EPHA8: variants seen among roughly 807,000 people sequenced by gnomAD.
EPHA8 encodes the protein EPH receptor A8.
EPHA8 carries 58 observed loss-of-function variants against 103.6 expected under a neutral mutation model. That is an observed-to-expected ratio of 0.56 (90% CI 0.45 to 0.70). The LOEUF is 0.70. EPHA8 is among the 30% of genes least tolerant of loss of function. The pLI is 0.00. For synonymous variants in EPHA8, 559 were observed against 572.5 expected (o/e 0.98, Z 0.34); for missense variants, 1,304 against 1,395.2 (o/e 0.93, Z 1.04).
At chr1:22,601,518 G>A (rs563584311) in intron 16 of EPHA8, 45 bp downstream of exon 16, 54 of 1,605,214 alleles carry the variant, frequency 3.4e-5, no homozygotes, top group Middle Eastern at 1.7e-4. Context: ...TGGGGGCAGG[G>A]GGGGGGACCC....
Position 22,568,059 on chromosome 1 carries a change from G to A in EPHA8, c.95-1230G>A, listed in dbSNP as rs115366026. 4.9e-3 allele frequency among the ~76,000 whole-genome samples: 749 copies of A among 152,336 alleles called. 3 individuals are homozygous for A. Among genetic ancestry groups the A allele is most frequent in the African/African-American group, 0.017 (698 of 41,558 alleles). ...ATGCATCTGTTTCACCTTAAGTGAG[G>A]GTGTGACCACAAGGGACATGGAGAG... On this transcript the variant is annotated intron_variant, in intron 1 of 16. Transcript: ENST00000166244.
rs776075888 is a variant in EPHA8, at chr1:22,601,432, C to T, written c.2862C>T (p.Gly954=). The T allele has an allele frequency of 1.7e-5, 27 of 1,610,478 alleles. No homozygotes were observed. In the East Asian group the frequency reaches 3.1e-4, roughly 19 times the overall value. Residue 954 remains glycine (G), a synonymous_variant, in exon 16 of 17, where the codon GGC becomes GGT. Coordinates refer to ENST00000166244, the MANE Select transcript of EPHA8 (RefSeq NM_020526.5). ...MGRYRDHFAA[G]GYSSLGMVLR... is the part of the protein sequence containing the mutation. ...GGTACCGAGACCACTTCGCTGCGGG[C>T]GGATACTCCTCTCTGGGCATGGTGC...
chr1:22,578,967 G>T (rs1240400127), intron 3 of EPHA8, among the ~76,000 whole-genome samples: 1 of 146,824 alleles, frequency 6.8e-6, no homozygotes, highest in Non-Finnish European at 1.5e-5. Context: ...CCATGTGTAT[G>T]TTCATGTGTG....
Position 22,601,400 on chromosome 1 carries a change from A to G in EPHA8, c.2830A>G (p.Met944Val). The change falls in exon 16 of 17, where the codon ATG becomes GTG. Residue 944 changes from methionine to valine, a missense_variant. Physicochemically the swap from Met to Val is conservative, Grantham distance 21. Coordinates refer to ENST00000166244, the MANE Select transcript of EPHA8 (RefSeq NM_020526.5). ...GGGGGACTGGCTGGACTCCATCCGC[A>G]TGGGCCGGTACCGAGACCACTTCGC... is the stretch of plus-strand genomic sequence containing the variant. ...TVGDWLDSIRMGRYRDHFAAG... is the reference protein window; with the variant it reads ...TVGDWLDSIRVGRYRDHFAAG... 1 of 1,611,174 alleles carries G rather than the reference A, an allele frequency of 6.2e-7. No individual in the cohort carries two copies. Among genetic ancestry groups the G allele is most frequent in the Non-Finnish European group, 8.5e-7 (1 of 1,179,708 alleles).
At chr1:22,568,301 A>G (rs209748) in intron 1 of EPHA8, among the ~76,000 whole-genome samples, 35,969 of 152,074 alleles carry the variant, frequency 0.24, 5,877 homozygotes, top group African/African-American at 0.48. Flanking sequence ...TTTCCCTACC[A>G]TGTTGAGCCT....
intron 5 of EPHA8, among the ~76,000 whole-genome samples, chr1:22,591,816 C>T (rs768982923): frequency 2.6e-5 from 4 of 152,220 alleles, no homozygotes; most frequent in Non-Finnish European, 5.9e-5. Context: ...CTATGCCTGG[C>T]TCCTCTGCCC....
At chr1:22,580,125 C>CTTT (rs1641002298) in intron 3 of EPHA8, among the ~76,000 whole-genome samples, 1 of 113,086 alleles carries the variant, frequency 8.8e-6, no homozygotes, top group African/African-American at 3.5e-5. Flanking sequence ...TTCTTTCTTT[C>CTTT]TCTTTTTTTT....
At position 22,601,001 on chromosome 1, in the gene EPHA8, A is replaced by G; in HGVS notation, c.2642A>G (p.Gln881Arg). The change falls in exon 15 of 17, where the codon CAG becomes CGG. Residue 881 changes from glutamine to arginine, a missense_variant. By Grantham distance (43) the Gln-to-Arg change is conservative. Coordinates refer to ENST00000166244, the MANE Select transcript of EPHA8 (RefSeq NM_020526.5). ...MLDCWHKDRA[Q>R]RPRFSQIVSV... ...GACTGTTGGCACAAGGACCGGGCGC[A>G]GCGGCCTCGCTTCTCCCAGATTGTC... 1 of 1,612,940 alleles carries G rather than the reference A, an allele frequency of 6.2e-7. No individual in the cohort carries two copies. Among genetic ancestry groups the G allele is most frequent in the Non-Finnish European group, 8.5e-7 (1 of 1,179,876 alleles).
At chr1:22,600,126 GGAGAGAAGGAAGGA>G (rs1192852287) in intron 13 of EPHA8, among the ~76,000 whole-genome samples, 3 of 120,264 alleles carry the variant, frequency 2.5e-5, no homozygotes, top group Non-Finnish European at 5.3e-5. Flanking sequence ...AAGGAGGGAA[GGAGAGAAGGAAGGA>G]GGAGGGAGGG....
intron 3 of EPHA8, among the ~76,000 whole-genome samples, chr1:22,579,437 T>TG (rs1299209772): frequency 3.3e-5 from 5 of 152,000 alleles, no homozygotes; most frequent in African/African-American, 1.2e-4. Context: ...TGTTTGCATG[T>TG]GTGCATGAGT....
At chr1:22,575,291 T>C (rs530667059) in intron 2 of EPHA8, among the ~76,000 whole-genome samples, 1 of 152,232 alleles carries the variant, frequency 6.6e-6, no homozygotes, top group East Asian at 1.9e-4. Context: ...CTAATGCGTA[T>C]GAAGTGGTAT....
Position 22,589,719 on chromosome 1 carries a change from C to T in EPHA8, c.1315+513C>T, listed in dbSNP as rs1326122052. ...ACCACAGTAGTTTATCTATCAGTTT[C>T]TGGCCAGTTGGTGGGCTGAATTCAC... On this transcript the variant is annotated intron_variant, in intron 5 of 16. Transcript: ENST00000166244. This position sits in a 1 kb window ranked among gnomAD's most constrained non-coding sequence, Gnocchi z 4.3. 1.9e-6 allele frequency: 2 copies of T among 1,029,072 alleles called. No individual in the cohort carries two copies. Among genetic ancestry groups the T allele is most frequent in the South Asian group, 4.5e-5 (1 of 22,110 alleles). 63.7% of individuals were successfully genotyped at this position (1,029,072 alleles called of 1,614,324 possible).
chr1:22,600,071 G>C (rs1413978980), intron 13 of EPHA8, among the ~76,000 whole-genome samples: 1 of 109,570 alleles, frequency 9.1e-6, no homozygotes, highest in Non-Finnish European at 1.8e-5. Context: ...GGGGGATGGA[G>C]GGAGGAAGGA....
chr1:22,595,373 C>A (rs1641490078), intron 8 of EPHA8, 50 bp downstream of exon 8: 1 of 1,508,472 alleles, frequency 6.6e-7, no homozygotes, highest in Non-Finnish European at 9.1e-7. Context: ...AAGCACCGTA[C>A]CTCCTGCCTG....
At chr1:22,601,264 C>G in intron 15 of EPHA8, 36 bp from the exon 16 acceptor site, 1 of 1,572,972 alleles carries the variant, frequency 6.4e-7, no homozygotes, top group Non-Finnish European at 8.6e-7. Context: ...GCCTCCCGAA[C>G]CCTCTGGCCA....
intron 4 of EPHA8, among the ~76,000 whole-genome samples, 179 bp from the exon 5 acceptor site, chr1:22,588,692 G>C (rs541091922): frequency 1.4e-4 from 21 of 152,184 alleles, no homozygotes; most frequent in Non-Finnish European, 2.4e-4. Context: ...TCTGATGGCA[G>C]AGACACAAAC....
chr1:22,593,498 G>T (rs770105897), intron 6 of EPHA8, 26 bp from the exon 7 acceptor site: 2 of 1,610,346 alleles, frequency 1.2e-6, no homozygotes, highest in South Asian at 1.1e-5. Flanking sequence ...GCAGGGCAGG[G>T]CCCACTGACC....
Position 22,576,262 on chromosome 1 carries a change from A to G in EPHA8, c.205A>G (p.Thr69Ala). The change falls in exon 3 of 17, where the codon ACG (threonine) becomes GCG (alanine). Residue 69 changes from threonine to alanine, a missense_variant. Transcript: ENST00000166244. This position sits in a 1 kb window ranked among gnomAD's most constrained non-coding sequence, Gnocchi z 4.8. ...GGACGAGTCCTTCCAGCCCATCCAC[A>G]CGTACCAGGTTTGCAACGTCATGAG... ...EVDESFQPIH[T>A]YQVCNVMSPN... 2 of 1,613,482 alleles carry G rather than the reference A, an allele frequency of 1.2e-6. No homozygotes were observed. The highest frequency in any genetic ancestry group is 1.7e-6 in the Non-Finnish European group (2 of 1,179,860).
rs754360957 is a variant in EPHA8, at chr1:22,589,370, T to C, written c.1315+164T>C. 2.6e-6 allele frequency: 4 copies of C among 1,555,084 alleles called. No individual in the cohort carries two copies. In the East Asian group the frequency reaches 9.1e-5, roughly 35 times the overall value. ...AGGACCCAGAGCTGGAGGCTCTTCA[T>C]TGCCTTTAGAAAAGTGGAACACATT... On this transcript the variant is annotated intron_variant, in intron 5 of 16. Coordinates refer to ENST00000166244, the MANE Select transcript of EPHA8 (RefSeq NM_020526.5). This position sits in a 1 kb window ranked among gnomAD's most constrained non-coding sequence, Gnocchi z 4.3.
Sources: allele counts gnomAD v4.1 joint callset (sites outside exome capture counted in the v4.1 genomes callset), GRCh38; gene constraint gnomAD v4.1.1; non-coding constraint Gnocchi (gnomAD v3.1); transcripts MANE v1.5; gene names NCBI Gene and HGNC (gene_info 2026-07-23, HGNC 2026-07-21).